CCDC110: variants seen among roughly 807,000 people sequenced by gnomAD.
CCDC110 encodes coiled-coil domain-containing protein 110.
Under a neutral mutation model 77.1 loss-of-function variants are expected in CCDC110, and 70 were observed. The ratio of observed to expected loss-of-function variants is 0.91; its 90% CI spans 0.75 to 1.11. CCDC110 has a LOEUF of 1.11. Ranked by LOEUF, CCDC110 falls within the 50% of genes least tolerant of loss-of-function variation. CCDC110 has a pLI of 0.00. For synonymous variants in CCDC110, 295 were observed against 312.5 expected, an observed-to-expected ratio of 0.94 and a Z score of 0.59; for missense variants, 868 against 942.9, an observed-to-expected ratio of 0.92 and a Z score of 1.04.
intron 1 of CCDC110, 196 bp downstream of exon 1, chr4:185,471,478 G>T: frequency 3.6e-6 from 2 of 553,480 alleles, no homozygotes; most frequent in South Asian, 6.1e-5. Context: ...CACGTAGCCA[G>T]CCTGTAAGCC....
chr4:185,462,244 G>T (rs747815243), intron 4 of CCDC110, among the ~76,000 whole-genome samples: 2 of 152,148 alleles, frequency 1.3e-5, no homozygotes, highest in Admixed American at 6.5e-5. Flanking sequence ...CTATTTTGAC[G>T]ACACAAGACC....
At chr4:185,460,317 G>T in intron 5 of CCDC110, 79 bp from the exon 6 acceptor site, 2 of 1,093,052 alleles carry the variant, frequency 1.8e-6, no homozygotes, top group Admixed American at 2.7e-5. Context: ...TTTTGTGGAG[G>T]GTTTATTTAT....
rs577024820 is a variant in CCDC110, at chr4:185,459,106, A to T, written c.1481T>A (p.Leu494Ter). The T allele has an allele frequency of 4.4e-6, 7 of 1,590,336 alleles. No homozygotes were observed. In the African/African-American group the frequency reaches 8.1e-5, roughly 18 times the overall value. The change falls in exon 6 of 7, where the codon TTA (leucine) becomes TAA (stop). Residue 494 changes from leucine (L) to a stop codon, truncating the protein, a stop_gained. Coordinates refer to ENST00000307588, the MANE Select transcript of CCDC110 (RefSeq NM_152775.4). LOFTEE classifies it high-confidence loss of function. ...TTTGCTGTATTCTTCTGTTTTACTTAACTTAGACTGAATAGTACTCTTTTC... is the reference window on the plus strand; with the variant it reads ...TTTGCTGTATTCTTCTGTTTTACTTTACTTAGACTGAATAGTACTCTTTTC... ...VEEKSTIQSKLSKTEEYSKEC... is the reference protein window; with the variant it reads ...VEEKSTIQSK
intron 6 of CCDC110, among the ~76,000 whole-genome samples, chr4:185,453,679 G>T (rs2095632290): frequency 6.6e-6 from 1 of 151,404 alleles, no homozygotes; most frequent in Admixed American, 6.6e-5. Context: ...TAAGTAGCTG[G>T]GACCAGAGGC....
intron 6 of CCDC110, among the ~76,000 whole-genome samples, chr4:185,452,643 C>G (rs1170420338): frequency 1.3e-5 from 2 of 152,010 alleles, no homozygotes; most frequent in South Asian, 4.2e-4. Flanking sequence ...GCCTGTAATC[C>G]CAACACTTTG....
chr4:185,464,722 A>G (rs1456199168), intron 2 of CCDC110, among the ~76,000 whole-genome samples: 1 of 152,188 alleles, frequency 6.6e-6, no homozygotes, highest in Non-Finnish European at 1.5e-5. Flanking sequence ...ACATAAGTGG[A>G]TGAAGTGGAA....
intron 2 of CCDC110, among the ~76,000 whole-genome samples, chr4:185,465,727 G>A (rs79343424): frequency 3.6e-3 from 548 of 152,300 alleles, no homozygotes; most frequent in African/African-American, 0.012. Flanking sequence ...CAGGGCTACC[G>A]CAATAATCTA....
chr4:185,457,821 GA>G (rs751055245), intron 6 of CCDC110: 2,413 of 1,236,428 alleles, frequency 2.0e-3, no homozygotes, highest in South Asian at 4.0e-3. Flanking sequence ...AATTCCTAGG[GA>G]AAAAAAAAAG....
intron 6 of CCDC110, among the ~76,000 whole-genome samples, chr4:185,448,299 G>C (rs1270114282): frequency 2.0e-5 from 3 of 152,200 alleles, no homozygotes; most frequent in Non-Finnish European, 4.4e-5. Flanking sequence ...GGGATTAAGT[G>C]CTGGGATTAC....
At chr4:185,464,860 A>G (rs2095652687) in intron 2 of CCDC110, among the ~76,000 whole-genome samples, 1 of 152,190 alleles carries the variant, frequency 6.6e-6, no homozygotes, top group Non-Finnish European at 1.5e-5. Context: ...TACATGAGAG[A>G]TATTATTTCC....
chr4:185,471,022 A>G lies in CCDC110; in HGVS notation c.38T>C (p.Val13Ala), dbSNP rs1436543326. ...PEKQHREEDE[V>A]DSVLLSASKI... ...GGACGCTGAAAGGAGAACGGAGTCA[A>G]CTTCATCCTCTTCCCGGTGCTGCTT... is the stretch of plus-strand genomic sequence containing the variant. The change falls in exon 2 of 7, where the codon GTT becomes GCT. Residue 13 changes from valine (V) to alanine (A), a missense_variant. Coordinates refer to ENST00000307588, the MANE Select transcript of CCDC110 (RefSeq NM_152775.4). The G allele has an allele frequency of 3.8e-6, 6 of 1,588,976 alleles. No homozygotes were observed. The African/African-American group carries it at 7.5e-5, about 20-fold the overall frequency.
chr4:185,451,793 G>A (rs1339209426), intron 6 of CCDC110, among the ~76,000 whole-genome samples: 2 of 152,084 alleles, frequency 1.3e-5, no homozygotes, highest in African/African-American at 4.8e-5. Context: ...AATCATAATT[G>A]TTCATTTTAA....
chr4:185,469,326 G>C (rs1201030792), intron 2 of CCDC110, among the ~76,000 whole-genome samples: 1 of 152,214 alleles, frequency 6.6e-6, no homozygotes, highest in Non-Finnish European at 1.5e-5. Flanking sequence ...TGTTTATTAA[G>C]AACCTGTCCT....
rs564766879 is a variant in CCDC110 at position 185,468,813 on chromosome 4, C to T, written c.115+2132G>A. ...CCTTATGTTCTCCATAGAATTTATT[C>T]CCCGCTTACACACAATAGCCTTTGT... On this transcript the variant is annotated intron_variant, in intron 2 of 6. Transcript: ENST00000307588. The surrounding 1 kb of genome is among the most constrained non-coding windows in gnomAD (Gnocchi z 4.5). Among the ~76,000 whole-genome samples, 4 of 152,290 alleles carry T rather than the reference C, an allele frequency of 2.6e-5. No individual in the cohort carries two copies. Among genetic ancestry groups the T allele is most frequent in the African/African-American group, 9.6e-5 (4 of 41,568 alleles).
chr4:185,458,244 C>G lies in CCDC110; in HGVS notation c.2343G>C (p.Gln781His). 7 of 1,604,052 alleles carry G rather than the reference C, an allele frequency of 4.4e-6. No individual in the cohort carries two copies. Among genetic ancestry groups the G allele is most frequent in the Non-Finnish European group, 5.9e-6 (7 of 1,177,528 alleles). Residue 781 changes from glutamine (Q) to histidine (H), a missense_variant, in exon 6 of 7, where the codon CAG becomes CAC. Transcript: ENST00000307588. ...AAGTTGTTTTTGAAGGGTCATTATG[C>G]TGATTACAAATTTTATCACTTAAAC... Reference protein sequence around the residue: ...YLSLSDKICNQHNDPSKTTYI... With the variant: ...YLSLSDKICNHHNDPSKTTYI...
At position 185,471,714 on chromosome 4, in the gene CCDC110, CCGCA is replaced by C; in HGVS notation, c.-35_-32del. ...CGGCTCATCTCTCTCGCAACCGCCG[CCGCA>C]CGCACCCGCTCCGCCGCCCCGCGCA... is the stretch of plus-strand genomic sequence containing the variant. On this transcript the variant is annotated 5_prime_UTR_variant, in exon 1 of 7. Transcript: ENST00000307588. 1 of 1,528,762 alleles carries C rather than the reference CCGCA, an allele frequency of 6.5e-7. No homozygotes were observed. The highest frequency in any genetic ancestry group is 8.8e-7 in the Non-Finnish European group (1 of 1,141,430). 94.7% of individuals were successfully genotyped at this position (1,528,762 alleles called of 1,614,324 possible).
At chr4:185,448,366 A>G (rs2095620888) in intron 6 of CCDC110, among the ~76,000 whole-genome samples, 1 of 152,108 alleles carries the variant, frequency 6.6e-6, no homozygotes. Context: ...CTTAACTCAT[A>G]TGGGTTTTAT....
At position 185,471,421 on chromosome 4, in the gene CCDC110, C is replaced by A. The variant is rs957144433; in HGVS notation, c.10+253G>T. On this transcript the variant is annotated intron_variant, in intron 1 of 6. Transcript: ENST00000307588. ...GCCTGGGGCGGGGCGCGGCGCTTTC[C>A]GCAAGCGGCCACCCGAGGGCGCGCT... The A allele has an allele frequency of 1.7e-4, 62 of 356,322 alleles. 1 individual carries two copies. In the South Asian group the frequency reaches 2.0e-3, roughly 12 times the overall value. 22.1% of individuals were successfully genotyped at this position (356,322 alleles called of 1,614,324 possible).
At chr4:185,449,712 G>GA (rs1160330792) in intron 6 of CCDC110, 6 of 1,098,860 alleles carry the variant, frequency 5.5e-6, no homozygotes, top group Non-Finnish European at 6.4e-6. Flanking sequence ...CTAATTATTT[G>GA]AAAAAATATA....
Sources: allele counts gnomAD v4.1 joint callset (sites outside exome capture counted in the v4.1 genomes callset), GRCh38; gene constraint gnomAD v4.1.1; non-coding constraint Gnocchi (gnomAD v3.1); transcripts MANE v1.5; gene names NCBI Gene and HGNC (gene_info 2026-07-23, HGNC 2026-07-21).